Variants in NAV3 observed in about 807,000 individuals in gnomAD.
The protein encoded by NAV3 is pore membrane and/or filament interacting like protein 1.
A neutral mutation model predicts 244.7 loss-of-function variants in NAV3; 87 were observed. The observed-to-expected ratio is 0.36, with a 90% CI of 0.30 to 0.42. NAV3 has a LOEUF of 0.42. NAV3 is among the 20% of genes least tolerant of loss of function. The pLI, the probability that NAV3 is intolerant of heterozygous loss-of-function variation, is 1.00. For synonymous variants in NAV3, 1,126 were observed against 1,042.2 expected, an observed-to-expected ratio of 1.08 and a Z score of -1.55; for missense variants, 2,663 against 2,893.3, an observed-to-expected ratio of 0.92 and a Z score of 1.83.
chr12:77,788,399 C>A (rs896607192), intron 2 of NAV3, among the ~76,000 whole-genome samples: 1 of 152,096 alleles, frequency 6.6e-6, no homozygotes, highest in African/African-American at 2.4e-5. Context: ...CACCAAAGCC[C>A]GCTGGGACAA....
Position 78,199,522 on chromosome 12 carries a change from G to A in NAV3, c.6706G>A (p.Val2236Ile), listed in dbSNP as rs759537771. The A allele has an allele frequency of 1.6e-5, 25 of 1,584,138 alleles. No homozygotes were observed. Among genetic ancestry groups the A allele is most frequent in the East Asian group, 1.1e-4 (5 of 44,052 alleles). Residue 2236 changes from valine to isoleucine, a missense_variant, in exon 37 of 40, where the codon GTT becomes ATT. This residue lies in a region of NAV3 where 543 missense variants were observed against 672.4 expected (regional missense o/e 0.81). Transcript: ENST00000397909. ...TTTGGAAACACACAGTTCTTCTGAC[G>A]TTACCATTGGTGAGTTCCAAAATTA... ...SFLETHSSSDVTIGPRLFLPC... is the reference protein window; with the variant it reads ...SFLETHSSSDITIGPRLFLPC...
At chr12:78,025,975 CG>C (rs1187364452) in intron 9 of NAV3, among the ~76,000 whole-genome samples, 5 of 152,256 alleles carry the variant, frequency 3.3e-5, no homozygotes, top group African/African-American at 1.2e-4. Flanking sequence ...TCCTTTATAG[CG>C]TCACAAATGG....
At chr12:78,131,693 T>C (rs764798098) in intron 18 of NAV3, among the ~76,000 whole-genome samples, 1 of 152,184 alleles carries the variant, frequency 6.6e-6, no homozygotes, top group Non-Finnish European at 1.5e-5. Context: ...CACTTAACTA[T>C]GTCTGACATT....
chr12:77,791,354 CAAAAA>C (rs5799345), intron 2 of NAV3, among the ~76,000 whole-genome samples: 1 of 138,554 alleles, frequency 7.2e-6, no homozygotes, highest in Non-Finnish European at 1.6e-5. Context: ...AACTCCATCT[CAAAAA>C]AAAAAAAAAA....
chr12:78,117,715 T>C (rs1955483059), intron 13 of NAV3, among the ~76,000 whole-genome samples: 1 of 151,948 alleles, frequency 6.6e-6, no homozygotes, highest in African/African-American at 2.4e-5. Flanking sequence ...TTGTGAATGA[T>C]AAATCAAAAA....
At chr12:78,154,286 C>CTACTATATAT (rs1197571632) in intron 22 of NAV3, among the ~76,000 whole-genome samples, 33,666 of 116,960 alleles carry the variant, frequency 0.29, 5,013 homozygotes, top group East Asian at 0.46. Flanking sequence ...ACTATATATA[C>CTACTATATAT]TACTATATAT....
intron 9 of NAV3, among the ~76,000 whole-genome samples, chr12:78,023,969 A>T (rs1321555990): frequency 6.6e-6 from 1 of 152,102 alleles, no homozygotes; most frequent in Non-Finnish European, 1.5e-5. Flanking sequence ...TCTAGGCACC[A>T]TCAGAAACTA....
rs1029333888 is a variant in NAV3, at chr12:77,659,788, T to G, written c.72+87522T>G. 3.9e-5 allele frequency among the ~76,000 whole-genome samples: 6 copies of G among 152,180 alleles called. 1 individual carries two copies. Among genetic ancestry groups the G allele is most frequent in the African/African-American group, 1.4e-4 (6 of 41,492 alleles). ...TGGAATACTATGCAGCCATAAAAAATGATGAGTTCATGTCCTTTGTAGGGA... is the reference window on the plus strand; with the variant it reads ...TGGAATACTATGCAGCCATAAAAAAGGATGAGTTCATGTCCTTTGTAGGGA... On this transcript the variant is annotated intron_variant, in intron 2 of 8. Coordinates refer to the NAV3 transcript ENST00000550042.
At chr12:77,796,527 A>C (rs991542462) in intron 2 of NAV3, among the ~76,000 whole-genome samples, 2 of 152,238 alleles carry the variant, frequency 1.3e-5, no homozygotes, top group African/African-American at 4.8e-5. Flanking sequence ...AAAAACTTAG[A>C]TGATAAGGCA....
chr12:77,957,889 C>T (rs947333949), intron 3 of NAV3, among the ~76,000 whole-genome samples: 23 of 152,180 alleles, frequency 1.5e-4, no homozygotes, highest in Non-Finnish European at 2.2e-4. Flanking sequence ...TGGTTTCGAA[C>T]TCCTTACCTC....
chr12:77,641,928 A>G (rs1185205398), intron 2 of NAV3, among the ~76,000 whole-genome samples: 3 of 152,166 alleles, frequency 2.0e-5, no homozygotes, highest in Non-Finnish European at 4.4e-5. Context: ...GCATGGAGCT[A>G]TCTTGTTAGG....
chr12:77,800,638 G>T (rs1310290590), intron 2 of NAV3, among the ~76,000 whole-genome samples: 1 of 152,120 alleles, frequency 6.6e-6, no homozygotes, highest in Admixed American at 6.5e-5. Flanking sequence ...GTTCTACTTA[G>T]AATTGATTGT....
intron 2 of NAV3, among the ~76,000 whole-genome samples, chr12:77,681,989 G>A (rs1874493315): frequency 1.3e-5 from 2 of 152,056 alleles, no homozygotes; most frequent in South Asian, 2.1e-4. Context: ...TTTGTGGTGA[G>A]GACACTTAAA....
At chr12:77,754,220 A>G (rs148491083) in intron 2 of NAV3, among the ~76,000 whole-genome samples, 13 of 151,836 alleles carry the variant, frequency 8.6e-5, no homozygotes, top group South Asian at 4.2e-4. Context: ...CAGGTGCTCC[A>G]CTCTCCTCAA....
At chr12:78,154,085 CTAAA>C (rs1325130197) in intron 22 of NAV3, among the ~76,000 whole-genome samples, 1 of 145,158 alleles carries the variant, frequency 6.9e-6, no homozygotes, top group Non-Finnish European at 1.5e-5. Flanking sequence ...ACATGATATA[CTAAA>C]TATTTTCCCA....
intron 5 of NAV3, among the ~76,000 whole-genome samples, chr12:77,992,824 C>T (rs1315509823): frequency 1.3e-5 from 2 of 152,158 alleles, no homozygotes; most frequent in African/African-American, 2.4e-5. Context: ...GGTCAGCTTA[C>T]TGGAATGCCA....
chr12:77,678,678 C>G (rs1269346371), intron 2 of NAV3, among the ~76,000 whole-genome samples: 1 of 152,098 alleles, frequency 6.6e-6, no homozygotes, highest in Admixed American at 6.6e-5. Flanking sequence ...CTGTTTACCC[C>G]TTTCTCAAGA....
At chr12:77,665,710 G>T (rs1873683221) in intron 2 of NAV3, among the ~76,000 whole-genome samples, 1 of 152,058 alleles carries the variant, frequency 6.6e-6, no homozygotes, top group Admixed American at 6.6e-5. Flanking sequence ...AAGTATACAT[G>T]ATTATTTCTA....
intron 2 of NAV3, among the ~76,000 whole-genome samples, chr12:77,623,267 A>G (rs931557553): frequency 1.3e-5 from 2 of 152,240 alleles, no homozygotes; most frequent in African/African-American, 4.8e-5. Flanking sequence ...AAATTAGTTT[A>G]AAAATAAGAA....
Sources: allele counts gnomAD v4.1 joint callset (sites outside exome capture counted in the v4.1 genomes callset), GRCh38; gene constraint gnomAD v4.1.1; regional missense constraint gnomAD v4.1.1; transcripts MANE v1.5; gene names NCBI Gene and HGNC (gene_info 2026-07-23, HGNC 2026-07-21).